Variants in FHOD1 observed in about 807,000 individuals in gnomAD.
FHOD1 encodes the protein FH1/FH2 domain-containing protein 1.
Under a neutral mutation model 111.6 loss-of-function variants are expected in FHOD1, and 89 were observed. The ratio of observed to expected loss-of-function variants is 0.80; its 90% CI spans 0.67 to 0.95. The LOEUF (loss-of-function observed/expected upper bound fraction) is 0.95, where lower values mean the gene tolerates loss of function less well. FHOD1 is among the 40% of genes least tolerant of loss of function. The probability of loss-of-function intolerance (pLI) is 0.00; values close to 1 mark genes in which losing one functional copy is unlikely to be tolerated. For synonymous variants in FHOD1, 618 were observed against 639.0 expected, an observed-to-expected ratio of 0.97 and a Z score of 0.50; for missense variants, 1,446 against 1,554.2, an observed-to-expected ratio of 0.93 and a Z score of 1.17.
chr16:67,238,474 T>C lies in FHOD1; in HGVS notation c.374-27A>G, dbSNP rs16957265. The C allele has an allele frequency of 0.055, 87,623 of 1,597,046 alleles. 4,590 individuals carry two copies. The highest frequency in any genetic ancestry group is 0.27 in the African/African-American group (20,142 of 74,640). On this transcript the variant is annotated intron_variant, in intron 3 of 21. Coordinates refer to ENST00000258201, the MANE Select transcript of FHOD1 (RefSeq NM_013241.3). This position sits in a 1 kb window ranked among gnomAD's most constrained non-coding sequence, Gnocchi z 4.2. The stretch of plus-strand genomic sequence containing the variant: ...TGCAAAAGGTAGGGTATAAAACCCT[T>C]GATGGACACAGACTCACTGTCTTCC...
Position 67,231,492 on chromosome 16 carries a change from C to T in FHOD1, c.2443G>A (p.Ala815Thr), listed in dbSNP as rs1237545557. Residue 815 changes from alanine to threonine, a missense_variant, in exon 16 of 22, where the codon GCC becomes ACC. Physicochemically the swap from Ala to Thr is moderately conservative, Grantham distance 58. Coordinates refer to ENST00000258201, the MANE Select transcript of FHOD1 (RefSeq NM_013241.3). This position sits in a 1 kb window ranked among gnomAD's most constrained non-coding sequence, Gnocchi z 4.3. ...GTAGCCAGGATGCAGCGGAAGGTGGCATTCTGTACCAGCTGTTCCATACCC... is the reference window on the plus strand; with the variant it reads ...GTAGCCAGGATGCAGCGGAAGGTGGTATTCTGTACCAGCTGTTCCATACCC... ...KVGMEQLVQN[A>T]TFRCILATLL... 6.2e-7 allele frequency: 1 copy of T among 1,614,178 alleles called. No individual in the cohort carries two copies. The highest frequency in any genetic ancestry group is 8.5e-7 in the Non-Finnish European group (1 of 1,180,034).
At position 67,233,949 on chromosome 16, in the gene FHOD1, G is replaced by C. The variant is rs748329982; in HGVS notation, c.1754C>G (p.Pro585Arg). The C allele has an allele frequency of 2.6e-6, 4 of 1,525,750 alleles. No homozygotes were observed. Among genetic ancestry groups the C allele is most frequent in the South Asian group, 1.2e-5 (1 of 86,548 alleles). The allele number at this position is 1,525,750 out of a possible 1,614,324, so 94.5% of individuals were successfully genotyped here. Residue 585 changes from proline (P) to arginine (R), a missense_variant, in exon 13 of 22, where the codon CCT (proline) becomes CGT (arginine). Physicochemically the swap from Pro to Arg is moderately radical, Grantham distance 103. Around this residue, in one of 3 missense-constraint regions of FHOD1, gnomAD observed 1,085 missense variants for 1,108.8 expected, o/e 0.98. Transcript: ENST00000258201. ...GGGTGGGGGAGGTGGAAGTGGGGGA[G>C]GGGGGGGTACTCCCGAGAGCAGGGG... ...PLPLLSGVPPPPPLPPPPPIK... is the reference protein window; with the variant it reads ...PLPLLSGVPPRPPLPPPPPIK...
In FHOD1 at chr16:67,237,474, C is replaced by T; in HGVS notation, c.849+1G>A. On this transcript the variant is annotated splice_donor_variant, in intron 8 of 21. Transcript: ENST00000258201. LOFTEE classifies it high-confidence loss of function. This position sits in a 1 kb window ranked among gnomAD's most constrained non-coding sequence, Gnocchi z 5.6. ...AGCTGGCACCCAGTCCTTGGCCACA[C>T]CTTGTTGATGAGGGTGACCGTGTAC... 1.9e-6 allele frequency: 3 copies of T among 1,614,176 alleles called. No homozygotes were observed. Among genetic ancestry groups the T allele is most frequent in the Non-Finnish European group, 2.5e-6 (3 of 1,180,024 alleles).
rs770139198 is a variant in FHOD1 at position 67,239,418 on chromosome 16, A to G, written c.238T>C (p.Tyr80His). Reference protein sequence around the residue: ...DCALQVSPSGYYLDTELSLEE... With the variant: ...DCALQVSPSGHYLDTELSLEE... ...AGGGACAGCTCGGTGTCCAGGTAGT[A>G]TCCGGAGGGAGACACTTGCAGAGCA... is the stretch of plus-strand genomic sequence containing the variant. Residue 80 changes from tyrosine to histidine, a missense_variant, in exon 2 of 22, where the codon TAC (tyrosine) becomes CAC (histidine). Tyr to His is a moderately conservative substitution (Grantham distance 83). This residue lies in a region of FHOD1 where 127 missense variants were observed against 118.0 expected (regional missense o/e 1.08). Coordinates refer to ENST00000258201, the MANE Select transcript of FHOD1 (RefSeq NM_013241.3). 3.1e-6 allele frequency: 5 copies of G among 1,614,150 alleles called. No homozygotes were observed. The South Asian group carries it at 3.3e-5, about 11-fold the overall frequency.
rs747604950 is a variant in FHOD1 at position 67,234,076 on chromosome 16, C to A, written c.1627G>T (p.Asp543Tyr). 3 of 1,610,888 alleles carry A rather than the reference C, an allele frequency of 1.9e-6. No individual in the cohort carries two copies. In the South Asian group the frequency reaches 3.3e-5, roughly 18 times the overall value. The change falls in exon 13 of 22, where the codon GAC becomes TAC. Residue 543 changes from aspartate (D) to tyrosine (Y), a missense_variant. Asp to Tyr is a radical substitution (Grantham distance 160). Transcript: ENST00000258201. ...PTRAPRLSIG[D>Y]LDFSDLGEDE... ...TCCCCTAGATCTGAAAAGTCCAGGT[C>A]CCCAATAGAGAGCCTGGGTGCACGG...
Position 67,237,747 on chromosome 16 carries a change from C to A in FHOD1, c.664G>T (p.Ala222Ser). The change falls in exon 7 of 22, where the codon GCC (alanine) becomes TCC (serine). Residue 222 changes from alanine to serine, a missense_variant. This residue lies in a region of FHOD1 where 234 missense variants were observed against 327.4 expected (regional missense o/e 0.71). Coordinates refer to ENST00000258201, the MANE Select transcript of FHOD1 (RefSeq NM_013241.3). The surrounding 1 kb of genome is among the most constrained non-coding windows in gnomAD (Gnocchi z 5.6). ...ACAAACACCAACAGCAGCTTCAGGG[C>A]TGTCTTCACCACCAAGCGGGACTGA... is the stretch of plus-strand genomic sequence containing the variant. ...ASLSRLVVKTALKLLLVFVEY... is the reference protein window; with the variant it reads ...ASLSRLVVKTSLKLLLVFVEY... 6.2e-7 allele frequency: 1 copy of A among 1,614,182 alleles called. No homozygotes were observed.
chr16:67,239,074 TTCCTCCCAGCTGC>T, intron 2 of FHOD1, 107 bp from the exon 3 acceptor site: 1 of 1,109,060 alleles, frequency 9.0e-7, no homozygotes, highest in East Asian at 2.5e-5. Context: ...GCCCAGCTTG[TTCCTCCCAGCTGC>T]TCCTCCAAGA....
Position 67,232,100 on chromosome 16 carries a change from T to G in FHOD1, c.2141A>C (p.His714Pro). The G allele has an allele frequency of 6.2e-7, 1 of 1,614,200 alleles. No individual in the cohort carries two copies. Among genetic ancestry groups the G allele is most frequent in the Non-Finnish European group, 8.5e-7 (1 of 1,180,026 alleles). ...GTTGAGCAGAGCAGCCTTAATGACA[T>G]GCACAGGTGGCAGTGTGGTTAGGCC... is the stretch of plus-strand genomic sequence containing the variant. ...NIGLTTLPPV[H>P]VIKAALLNFD... is the part of the protein sequence containing the mutation. Residue 714 changes from histidine to proline, a missense_variant, in exon 14 of 22, where the codon CAT (histidine) becomes CCT (proline). This residue lies in a region of FHOD1 where 1,085 missense variants were observed against 1,108.8 expected (regional missense o/e 0.98). Coordinates refer to ENST00000258201, the MANE Select transcript of FHOD1 (RefSeq NM_013241.3).
Position 67,229,642 on chromosome 16 carries a change from C to T in FHOD1, c.3489G>A (p.Glu1163=), listed in dbSNP as rs1355337146. 1.2e-6 allele frequency: 2 copies of T among 1,614,122 alleles called. No individual in the cohort carries two copies. The highest frequency in any genetic ancestry group is 2.2e-5 in the South Asian group (2 of 91,084). Residue 1163 remains glutamate (E), a synonymous_variant, in exon 22 of 22, where the codon GAG becomes GAA. Transcript: ENST00000258201. ...TTTCCGGGATACAGCACCTTCACAC[C>T]TCCAGGCCAGGACCCTTGCTTAGTC... The part of the protein sequence containing the change: ...ALGLSKGPGL[E]V
In FHOD1 at chr16:67,231,337, C is replaced by T. The variant is rs751080567; in HGVS notation, c.2518G>A (p.Glu840Lys). ...FLNGSQSSGFELSYLEKVSEV... is the reference protein window; with the variant it reads ...FLNGSQSSGFKLSYLEKVSEV... The stretch of plus-strand genomic sequence containing the variant: ...GACACCTTCTCCAGGTAGCTCAGCT[C>T]AAAGCCGCTGCTCTGAAAGGACCCT... The change falls in exon 17 of 22, where the codon GAG (glutamate) becomes AAG (lysine). Residue 840 changes from glutamate (E) to lysine (K), a missense_variant. Physicochemically the swap from Glu to Lys is moderately conservative, Grantham distance 56. Transcript: ENST00000258201. The surrounding 1 kb of genome is among the most constrained non-coding windows in gnomAD (Gnocchi z 4.3). The T allele has an allele frequency of 6.2e-7, 1 of 1,614,170 alleles. No homozygotes were observed. Among genetic ancestry groups the T allele is most frequent in the South Asian group, 1.1e-5 (1 of 91,072 alleles).
rs186674830 is a variant in FHOD1, at chr16:67,242,584, T to G, written c.202-3130A>C. Reference sequence around the variant, plus strand: ...ACCCTGGGGCTGGGCCAGGCCTGAATAAGCCCAAACCCTGGTCCTTGCTGA... The same window carrying G: ...ACCCTGGGGCTGGGCCAGGCCTGAAGAAGCCCAAACCCTGGTCCTTGCTGA... On this transcript the variant is annotated intron_variant, in intron 1 of 21. Transcript: ENST00000258201. Among the ~76,000 whole-genome samples, 59 of 152,344 alleles carry G rather than the reference T, an allele frequency of 3.9e-4. 1 individual carries two copies. The East Asian group carries it at 8.1e-3, about 21-fold the overall frequency.
At chr16:67,232,792 A>G (rs2034328469) in intron 13 of FHOD1, among the ~76,000 whole-genome samples, 1 of 151,644 alleles carries the variant, frequency 6.6e-6, no homozygotes, top group African/African-American at 2.4e-5. Flanking sequence ...CTGGGATTAC[A>G]GGCGTGTACC....
intron 13 of FHOD1, among the ~76,000 whole-genome samples, chr16:67,233,259 T>C (rs2142270409): frequency 6.6e-6 from 1 of 152,110 alleles, no homozygotes; most frequent in Middle Eastern, 3.4e-3. Context: ...GCTAATTTTG[T>C]GTTTTTAGTA....
chr16:67,236,981 C>T lies in FHOD1; in HGVS notation c.1127G>A (p.Arg376His), dbSNP rs1030401479. 5 of 1,594,500 alleles carry T rather than the reference C, an allele frequency of 3.1e-6. No homozygotes were observed. Among genetic ancestry groups the T allele is most frequent in the Non-Finnish European group, 4.3e-6 (5 of 1,171,878 alleles). Residue 376 changes from arginine (R) to histidine (H), a missense_variant, in exon 10 of 22, where the codon CGT becomes CAT. Arg to His is a conservative substitution (Grantham distance 29). Around this residue, in one of 3 missense-constraint regions of FHOD1, gnomAD observed 1,085 missense variants for 1,108.8 expected, o/e 0.98. Transcript: ENST00000258201. ...RSLEGGGCPA[R>H]APEPGPTGPA... Reference sequence around the variant, plus strand: ...TCGTACTTACCCAGGTTCCGGGGCACGCGCGGGGCAGCCCCCGCCTTCCAG... The same window carrying T: ...TCGTACTTACCCAGGTTCCGGGGCATGCGCGGGGCAGCCCCCGCCTTCCAG...
chr16:67,247,371 A>C lies in FHOD1; in HGVS notation c.40T>G (p.Ser14Ala). Residue 14 changes from serine to alanine, a missense_variant, in exon 1 of 22, where the codon TCA becomes GCA. Around this residue, in one of 3 missense-constraint regions of FHOD1, gnomAD observed 127 missense variants for 118.0 expected, o/e 1.08. Transcript: ENST00000258201. ...TACTGCACCCTCACGGTCACCACTG[A>C]TACCGGCTCTCCGTCCCCGCGGTCT... The part of the protein sequence containing the change: ...GEDRGDGEPV[S>A]VVTVRVQYLE... The C allele has an allele frequency of 6.2e-7, 1 of 1,613,434 alleles. No homozygotes were observed. Among genetic ancestry groups the C allele is most frequent in the Non-Finnish European group, 8.5e-7 (1 of 1,179,766 alleles).
chr16:67,245,817 A>G (rs2034800025), intron 1 of FHOD1, among the ~76,000 whole-genome samples: 1 of 151,888 alleles, frequency 6.6e-6, no homozygotes, highest in African/African-American at 2.4e-5. Context: ...GAGGAATACA[A>G]TATATTCTCT....
chr16:67,230,595 C>T lies in FHOD1; in HGVS notation c.2858+6G>A, dbSNP rs541072158. The T allele has an allele frequency of 1.9e-5, 30 of 1,614,036 alleles. No homozygotes were observed. The highest frequency in any genetic ancestry group is 3.3e-4 in the Middle Eastern group (2 of 6,060). ...CGTCCTGCCTCTCTTGGGTCCATGCCCCTACCTATTGCAGACACGGCGGTG... is the reference window on the plus strand; with the variant it reads ...CGTCCTGCCTCTCTTGGGTCCATGCTCCTACCTATTGCAGACACGGCGGTG... On this transcript the variant is annotated splice_donor_region_variant and intron_variant, in intron 18 of 21. Transcript: ENST00000258201.
intron 12 of FHOD1, 29 bp downstream of exon 12, chr16:67,234,328 A>G (rs1396835171): frequency 6.2e-7 from 1 of 1,605,472 alleles, no homozygotes; most frequent in African/African-American, 1.3e-5. Flanking sequence ...AGCAACAGGC[A>G]GGCTCTGCCT....
intron 1 of FHOD1, among the ~76,000 whole-genome samples, chr16:67,243,759 C>T (rs1182622512): frequency 6.6e-6 from 1 of 152,162 alleles, no homozygotes; most frequent in Non-Finnish European, 1.5e-5. Flanking sequence ...CTGCAAATAC[C>T]CCATACTGGT....
Sources: gnomAD v4.1 joint callset for allele counts (sites outside exome capture counted in the v4.1 genomes callset) on GRCh38, gnomAD v4.1.1 for gene constraint, gnomAD v4.1.1 regional missense constraint, Gnocchi (gnomAD v3.1) non-coding constraint, MANE v1.5 for transcripts, NCBI Gene and HGNC (gene_info 2026-07-23, HGNC 2026-07-21) for gene names.